PREX2: variants seen among roughly 807,000 people sequenced by gnomAD.
PREX2 encodes phosphatidylinositol 3,4,5-trisphosphate-dependent Rac exchanger 2 protein.
A neutral mutation model predicts 203.2 loss-of-function variants in PREX2; 107 were observed. The observed-to-expected ratio is 0.53, with a 90% confidence interval of 0.45 to 0.62. The LOEUF (loss-of-function observed/expected upper bound fraction) is 0.62, where lower values mean the gene tolerates loss of function less well. Ranked by LOEUF, PREX2 falls within the 20% of genes least tolerant of loss-of-function variation. PREX2 has a pLI of 0.00. For synonymous variants in PREX2, 672 were observed against 663.6 expected, an observed-to-expected ratio of 1.01 and a Z score of -0.19; for missense variants, 1,777 against 1,955.9, an observed-to-expected ratio of 0.91 and a Z score of 1.72.
chr8:67,975,547 A>C (rs2129608973), intron 1 of PREX2, among the ~76,000 whole-genome samples: 1 of 152,096 alleles, frequency 6.6e-6, no homozygotes, highest in East Asian at 1.9e-4. Flanking sequence ...TGAACAAAGA[A>C]GAAAACGAGA....
At chr8:68,226,063 C>T (rs1813051115) in intron 39 of PREX2, among the ~76,000 whole-genome samples, 1 of 151,942 alleles carries the variant, frequency 6.6e-6, no homozygotes, top group Admixed American at 6.6e-5. Flanking sequence ...ATGTTAAAAA[C>T]ACTCGAAACG....
intron 24 of PREX2, chr8:68,109,006 T>A (rs1486074254): frequency 2.2e-6 from 1 of 449,246 alleles, no homozygotes; most frequent in Non-Finnish European, 4.5e-6. Context: ...GTTGATCTCA[T>A]AGAAGTAGAG....
At chr8:67,969,097 A>G (rs1003497183) in intron 1 of PREX2, among the ~76,000 whole-genome samples, 4 of 152,194 alleles carry the variant, frequency 2.6e-5, no homozygotes, top group Non-Finnish European at 4.4e-5. Flanking sequence ...TCACCATGCC[A>G]GAGCCTGACC....
At chr8:68,118,717 T>G in intron 27 of PREX2, 73 bp downstream of exon 27, 1 of 1,059,068 alleles carries the variant, frequency 9.4e-7, no homozygotes, top group Non-Finnish European at 1.5e-6. Flanking sequence ...GGTTTTAATT[T>G]CGTAGATCCA....
chr8:68,051,717 A>G (rs891482732), intron 8 of PREX2, among the ~76,000 whole-genome samples: 4 of 152,158 alleles, frequency 2.6e-5, no homozygotes, highest in Non-Finnish European at 5.9e-5. Context: ...AATTAAACAC[A>G]TAAAGGTAAT....
In PREX2 at chr8:67,988,559, A is replaced by G. The variant is rs528874447; in HGVS notation, c.142-29287A>G. The stretch of plus-strand genomic sequence containing the variant: ...CAGGTCTACCTGACTCTTCTCTTTC[A>G]TAATAGAACACTGGCTCCTGAATGC... On this transcript the variant is annotated intron_variant, in intron 1 of 39. Coordinates refer to ENST00000288368, the MANE Select transcript of PREX2 (RefSeq NM_024870.4). Among the ~76,000 whole-genome samples, 380 of 152,250 alleles carry G rather than the reference A, an allele frequency of 2.5e-3. 2 individuals are homozygous for G. Among genetic ancestry groups the G allele is most frequent in the Non-Finnish European group, 1.0e-3 (70 of 68,018 alleles).
intron 30 of PREX2, among the ~76,000 whole-genome samples, chr8:68,126,035 G>T (rs1044436001): frequency 6.6e-6 from 1 of 152,036 alleles, no homozygotes; most frequent in Non-Finnish European, 1.5e-5. Flanking sequence ...TCTGTTAGAA[G>T]CCATTTTTCA....
intron 26 of PREX2, among the ~76,000 whole-genome samples, chr8:68,117,058 C>G (rs995755104): frequency 6.6e-6 from 1 of 152,166 alleles, no homozygotes; most frequent in African/African-American, 2.4e-5. Context: ...ATCTTCTTCA[C>G]TCATTTATTA....
chr8:68,014,703 G>A (rs995452531), intron 1 of PREX2, among the ~76,000 whole-genome samples: 29 of 152,170 alleles, frequency 1.9e-4, no homozygotes, highest in African/African-American at 7.0e-4. Context: ...AGTGAAATAA[G>A]TAAACTCGAT....
intron 1 of PREX2, among the ~76,000 whole-genome samples, chr8:67,975,881 T>G (rs1043288583): frequency 2.0e-5 from 3 of 149,584 alleles, no homozygotes; most frequent in Non-Finnish European, 3.0e-5. Context: ...TTTTTTTTTT[T>G]TTTTTTGTAT....
intron 1 of PREX2, among the ~76,000 whole-genome samples, chr8:67,977,468 A>T (rs1385701715): frequency 6.6e-6 from 1 of 151,992 alleles, no homozygotes; most frequent in Non-Finnish European, 1.5e-5. Context: ...TGATATTGTG[A>T]TTTTTTTTCT....
Position 68,210,325 on chromosome 8 carries a change from T to A in PREX2, c.4605-7291T>A, listed in dbSNP as rs138912223. Among the ~76,000 whole-genome samples the A allele has an allele frequency of 1.1e-3, 171 of 152,318 alleles. 1 individual carries two copies. The highest frequency in any genetic ancestry group is 3.9e-3 in the African/African-American group (163 of 41,578). On this transcript the variant is annotated intron_variant, in intron 37 of 39. Transcript: ENST00000288368. The stretch of plus-strand genomic sequence containing the variant: ...ATTGTCATGACTACAAATTCAGAGA[T>A]CATCACCCTAGATTTTCATGTGTTT...
At chr8:68,210,167 G>A (rs952928820) in intron 37 of PREX2, among the ~76,000 whole-genome samples, 2 of 152,118 alleles carry the variant, frequency 1.3e-5, no homozygotes, top group African/African-American at 4.8e-5. Context: ...TCAAATTAAT[G>A]TTTAATCCCA....
At chr8:68,212,788 C>T (rs1812764330) in intron 37 of PREX2, among the ~76,000 whole-genome samples, 1 of 152,106 alleles carries the variant, frequency 6.6e-6, no homozygotes, top group Non-Finnish European at 1.5e-5. Flanking sequence ...TTTATCAAAG[C>T]TTTCCAACAT....
At chr8:68,106,806 G>A (rs984795921) in intron 23 of PREX2, among the ~76,000 whole-genome samples, 1 of 152,068 alleles carries the variant, frequency 6.6e-6, no homozygotes, top group East Asian at 1.9e-4. Flanking sequence ...TAGGATCATG[G>A]TTATAGTTTT....
chr8:68,080,295 A>C, intron 15 of PREX2, 148 bp from the exon 16 acceptor site: 1 of 607,726 alleles, frequency 1.6e-6, no homozygotes, highest in Non-Finnish European at 2.7e-6. Context: ...AAAAAACAAA[A>C]CCCGGGGCTA....
rs138354101 is a variant in PREX2 at position 68,077,644 on chromosome 8, G to A, written c.1642+175G>A. Among the ~76,000 whole-genome samples, 475 of 152,242 alleles carry A rather than the reference G, an allele frequency of 3.1e-3. 2 individuals are homozygous for A. The highest frequency in any genetic ancestry group is 1.0e-2 in the African/African-American group (414 of 41,564). On this transcript the variant is annotated intron_variant, in intron 15 of 39. Coordinates refer to ENST00000288368, the MANE Select transcript of PREX2 (RefSeq NM_024870.4). ...AACTGCATTCAGTTTTACTGCTGGT[G>A]CCATCCCTATGTCTAATTGCTGTTA...
chr8:67,969,074 C>T (rs1373914650), intron 1 of PREX2, among the ~76,000 whole-genome samples: 1 of 152,188 alleles, frequency 6.6e-6, no homozygotes, highest in Non-Finnish European at 1.5e-5. Flanking sequence ...ATCAGGTTGT[C>T]GTGTGGCTGG....
chr8:68,233,857 T>A lies in PREX2; in HGVS notation c.*2479T>A, dbSNP rs1813216020. On this transcript the variant is annotated 3_prime_UTR_variant, in exon 40 of 40. Transcript: ENST00000288368. ...ATTATGCTACTTTTCCTTATCAATATAAGAACTATTGTAATATTACGATGA... is the reference window on the plus strand; with the variant it reads ...ATTATGCTACTTTTCCTTATCAATAAAAGAACTATTGTAATATTACGATGA... The A allele has an allele frequency of 6.6e-6, 1 of 152,212 alleles. No homozygotes were observed. The allele number at this position is 152,212 out of a possible 1,614,324, so 9.4% of individuals were successfully genotyped here.
Sources: allele counts gnomAD v4.1 joint callset (sites outside exome capture counted in the v4.1 genomes callset), GRCh38; gene constraint gnomAD v4.1.1; transcripts MANE v1.5; gene names NCBI Gene and HGNC (gene_info 2026-07-23, HGNC 2026-07-21).